Variants in DACH2 observed in about 807,000 individuals in gnomAD.
The protein encoded by DACH2 is dachshund family transcription factor 2.
In DACH2, 17 loss-of-function variants were observed where a neutral mutation model predicts 35.8. That is an observed-to-expected ratio of 0.48 (90% CI 0.33 to 0.71). The LOEUF (loss-of-function observed/expected upper bound fraction) is 0.71, where lower values mean the gene tolerates loss of function less well. DACH2 is among the 30% of genes least tolerant of loss of function. DACH2 has a pLI of 0.02. For missense variants in DACH2, 469 were observed against 472.7 expected (o/e 0.99, Z 0.07); for synonymous variants, 195 against 177.3 (o/e 1.10, Z -0.79).
At chrX:86,339,754 A>G (rs1328003834) in intron 1 of DACH2, among the ~76,000 whole-genome samples, 1 of 112,018 alleles carries the variant, frequency 8.9e-6, no homozygotes, top group Non-Finnish European at 1.9e-5. Flanking sequence ...ATGGAAGGAA[A>G]AAGTCTGAAG....
At chrX:86,531,314 C>T (rs1054503057) in intron 3 of DACH2, among the ~76,000 whole-genome samples, 6 of 111,557 alleles carry the variant, frequency 5.4e-5, no homozygotes, top group African/African-American at 2.0e-4. Flanking sequence ...GAAAATATCT[C>T]CAGGGCATTT....
At chrX:86,254,815 G>T (rs375712526) in intron 1 of DACH2, among the ~76,000 whole-genome samples, 2,195 of 58,942 alleles carry the variant, frequency 0.037, 46 homozygotes, top group Non-Finnish European at 0.057. Flanking sequence ...TATAGAGAGA[G>T]AGAGAGAGAG....
At chrX:86,606,273 ACAT>A (rs2039856529) in intron 3 of DACH2, among the ~76,000 whole-genome samples, 1 of 100,133 alleles carries the variant, frequency 1.0e-5, no homozygotes, top group Non-Finnish European at 2.1e-5. Context: ...GAGACATGAG[ACAT>A]TGTTAGATTT....
intron 4 of DACH2, 64 bp from the exon 5 acceptor site, chrX:86,694,957 A>C (rs1389514666): frequency 4.5e-6 from 4 of 889,125 alleles, no homozygotes; most frequent in Non-Finnish European, 5.9e-6. Context: ...CCTAAAAGGG[A>C]ATTTTAAAAA....
chrX:86,289,408 T>TTTTATTTA (rs201387197), intron 1 of DACH2, among the ~76,000 whole-genome samples: 21 of 107,941 alleles, frequency 1.9e-4, no homozygotes, highest in Non-Finnish European at 3.2e-4. Flanking sequence ...AGCAGGTTTC[T>TTTTATTTA]TTTATTTATT....
chrX:86,308,862 T>C (rs761253268), intron 1 of DACH2, among the ~76,000 whole-genome samples: 100 of 111,238 alleles, frequency 9.0e-4, no homozygotes, highest in South Asian at 6.5e-3. Context: ...GGAGGTCAGG[T>C]AATTAATGGA....
At chrX:86,530,001 A>G (rs2038694616) in intron 3 of DACH2, among the ~76,000 whole-genome samples, 1 of 108,780 alleles carries the variant, frequency 9.2e-6, no homozygotes, top group Non-Finnish European at 1.9e-5. Flanking sequence ...ACACACACAC[A>G]CACAATCACA....
chrX:86,504,843 G>A (rs776365339), intron 2 of DACH2, among the ~76,000 whole-genome samples: 4 of 111,837 alleles, frequency 3.6e-5, no homozygotes, highest in African/African-American at 1.3e-4. Flanking sequence ...TTTGAAAAAG[G>A]AAAGAGGTGT....
chrX:86,309,906 T>C lies in DACH2; in HGVS notation c.489-66918T>C, dbSNP rs996780482. Among the ~76,000 whole-genome samples, 4 of 112,090 alleles carry C rather than the reference T, an allele frequency of 3.6e-5. No homozygotes were observed. In the Admixed American group the frequency reaches 3.8e-4, roughly 11 times the overall value. On this transcript the variant is annotated intron_variant, in intron 1 of 11. Transcript: ENST00000373125. ...GAACAGAAGAAGGCTCTGCAACAGG[T>C]CCAGGCTGCTGTGCAAGTTGTCTGC...
rs766616262 is a variant in DACH2, at chrX:86,430,238, A to ACTAGGTGCAT, written c.527+53377_527+53386dup. On this transcript the variant is annotated intron_variant, in intron 2 of 11. Coordinates refer to ENST00000373125, the MANE Select transcript of DACH2 (RefSeq NM_053281.3). ...ACCTGAGGTATTTAACATGATAGGC[A>ACTAGGTGCAT]CTAGGTGCATGTAGCTATTGAGATT... 2.7e-4 allele frequency among the ~76,000 whole-genome samples: 30 copies of ACTAGGTGCAT among 112,416 alleles called. No individual in the cohort carries two copies. The East Asian group carries it at 3.6e-3, about 14-fold the overall frequency.
At chrX:86,530,656 T>C (rs2038706315) in intron 3 of DACH2, among the ~76,000 whole-genome samples, 1 of 112,111 alleles carries the variant, frequency 8.9e-6, no homozygotes, top group Non-Finnish European at 1.9e-5. Context: ...AAGTTCTTTA[T>C]AGCAGTGTGA....
At chrX:86,562,495 T>C (rs1168027486) in intron 3 of DACH2, among the ~76,000 whole-genome samples, 1 of 111,295 alleles carries the variant, frequency 9.0e-6, no homozygotes, top group African/African-American at 3.3e-5. Context: ...TATCTAATCA[T>C]AACAATCTTT....
chrX:86,618,436 T>A (rs2040031877), intron 3 of DACH2, among the ~76,000 whole-genome samples: 1 of 111,901 alleles, frequency 8.9e-6, no homozygotes, highest in Non-Finnish European at 1.9e-5. Flanking sequence ...TTGCTTATAA[T>A]CTTTGTTATC....
intron 5 of DACH2, among the ~76,000 whole-genome samples, chrX:86,704,322 A>G (rs370378161): frequency 1.8e-5 from 2 of 111,756 alleles, no homozygotes; most frequent in African/African-American, 6.5e-5. Flanking sequence ...CTTAAATCTA[A>G]GACCTCGATT....
rs193028678 is a variant in DACH2, at chrX:86,684,273, A to G, written c.773-10748A>G. Among the ~76,000 whole-genome samples, 415 of 112,003 alleles carry G rather than the reference A, an allele frequency of 3.7e-3. 2 individuals carry two copies. Among genetic ancestry groups the G allele is most frequent in the African/African-American group, 0.013 (397 of 30,949 alleles). On this transcript the variant is annotated intron_variant, in intron 4 of 11. Transcript: ENST00000373125. ...ATTTTTTGATAGCTGTAAGAATTGC[A>G]CTGACAGGAAGATATTTATACCTAC...
chrX:86,586,360 G>A (rs897923775), intron 3 of DACH2, among the ~76,000 whole-genome samples: 3 of 111,058 alleles, frequency 2.7e-5, no homozygotes, highest in Non-Finnish European at 3.8e-5. Flanking sequence ...CTATTCTTTG[G>A]GTTGTCTGTT....
intron 3 of DACH2, among the ~76,000 whole-genome samples, chrX:86,534,047 G>A (rs1437211332): frequency 8.9e-6 from 1 of 112,339 alleles, no homozygotes; most frequent in Non-Finnish European, 1.9e-5. Flanking sequence ...GCTGCTAAAA[G>A]TGCTCTGGAA....
chrX:86,437,538 A>C (rs915534014), intron 2 of DACH2, among the ~76,000 whole-genome samples: 2 of 111,299 alleles, frequency 1.8e-5, no homozygotes, highest in South Asian at 7.5e-4. Flanking sequence ...AAAATATGAG[A>C]TTTTTTTGTG....
chrX:86,766,749 T>C (rs1260457033), intron 7 of DACH2, among the ~76,000 whole-genome samples: 2 of 111,892 alleles, frequency 1.8e-5, no homozygotes, highest in African/African-American at 6.5e-5. Context: ...ATTCATATTT[T>C]CTCCATGTTA....
Sources: gnomAD v4.1 joint callset for allele counts (sites outside exome capture counted in the v4.1 genomes callset) on GRCh38, gnomAD v4.1.1 for gene constraint, MANE v1.5 for transcripts, NCBI Gene and HGNC (gene_info 2026-07-23, HGNC 2026-07-21) for gene names.